GNAI1: variants seen among roughly 807,000 people sequenced by gnomAD.
The protein encoded by GNAI1 is guanine nucleotide-binding protein G(i) subunit alpha-1.
Under a neutral mutation model 38.9 loss-of-function variants are expected in GNAI1, and 11 were observed. The observed-to-expected ratio is 0.28, with a 90% CI of 0.18 to 0.47. GNAI1 has a LOEUF of 0.47. Among genes scored for constraint, GNAI1 ranks in the 20% least tolerant of loss-of-function variants. GNAI1 has a pLI of 0.99. For synonymous variants in GNAI1, 166 were observed against 145.1 expected (o/e 1.14, Z -1.04); for missense variants, 317 against 436.9 (o/e 0.73, Z 2.45).
At chr7:80,154,248 A>G (rs1472468336) in intron 1 of GNAI1, among the ~76,000 whole-genome samples, 1 of 152,190 alleles carries the variant, frequency 6.6e-6, no homozygotes, top group Non-Finnish European at 1.5e-5. Flanking sequence ...TAGAAAGGAA[A>G]TAAAAGGTGC....
intron 1 of GNAI1, among the ~76,000 whole-genome samples, chr7:80,145,123 C>T (rs1282277049): frequency 1.3e-5 from 2 of 152,162 alleles, no homozygotes; most frequent in African/African-American, 4.8e-5. Flanking sequence ...CAAGTCATGC[C>T]TAGCTTTAAA....
intron 5 of GNAI1, among the ~76,000 whole-genome samples, chr7:80,209,005 C>CT (rs1232159717): frequency 2.6e-5 from 4 of 152,194 alleles, no homozygotes; most frequent in African/African-American, 9.6e-5. Flanking sequence ...CATGTATTCT[C>CT]TAAGACAACA....
intron 1 of GNAI1, among the ~76,000 whole-genome samples, chr7:80,151,989 C>T (rs1584010287): frequency 6.6e-6 from 1 of 152,220 alleles, no homozygotes; most frequent in East Asian, 1.9e-4. Flanking sequence ...ATGAAGTTGA[C>T]ATGTTTATTT....
At chr7:80,179,953 G>T (rs1788260779) in intron 1 of GNAI1, among the ~76,000 whole-genome samples, 1 of 152,104 alleles carries the variant, frequency 6.6e-6, no homozygotes, top group African/African-American at 2.4e-5. Context: ...GCCGTAGAAG[G>T]AGACATTATC....
chr7:80,147,554 A>G (rs1787649653), intron 1 of GNAI1, among the ~76,000 whole-genome samples: 1 of 152,096 alleles, frequency 6.6e-6, no homozygotes, highest in African/African-American at 2.4e-5. Context: ...GTTTTCTGTT[A>G]CAGCAGGCTT....
rs931313808 is a variant in GNAI1 at position 80,203,743 on chromosome 7, C to T, written c.501C>T (p.Tyr167=). The change falls in exon 5 of 8, where the codon TAC becomes TAT. Residue 167 remains tyrosine (Y), a synonymous_variant. Transcript: ENST00000649796. The stretch of plus-strand genomic sequence containing the variant: ...TGGACAGAATAGCTCAACCAAATTA[C>T]ATCCCGACTCAACAAGATGTTCTCA... ...NDLDRIAQPN[Y]IPTQQDVLRT... is the part of the protein sequence containing the mutation. 7 of 1,592,780 alleles carry T rather than the reference C, an allele frequency of 4.4e-6. No individual in the cohort carries two copies. Among genetic ancestry groups the T allele is most frequent in the South Asian group, 2.2e-5 (2 of 89,754 alleles).
At chr7:80,180,627 A>G (rs574589397) in intron 1 of GNAI1, among the ~76,000 whole-genome samples, 1 of 152,232 alleles carries the variant, frequency 6.6e-6, no homozygotes, top group South Asian at 2.1e-4. Context: ...TACTTGGCAC[A>G]GGGGTAGTCA....
At chr7:80,185,375 TTTTG>T (rs1425532392) in intron 1 of GNAI1, among the ~76,000 whole-genome samples, 1 of 152,188 alleles carries the variant, frequency 6.6e-6, no homozygotes, top group Non-Finnish European at 1.5e-5. Flanking sequence ...ATCATGAGGC[TTTTG>T]TTTAAGAATT....
intron 1 of GNAI1, among the ~76,000 whole-genome samples, chr7:80,184,348 A>G (rs531486388): frequency 6.6e-6 from 1 of 152,176 alleles, no homozygotes; most frequent in African/African-American, 2.4e-5. Flanking sequence ...ATACATTGGT[A>G]CGTCCAGGGT....
intron 1 of GNAI1, among the ~76,000 whole-genome samples, chr7:80,182,331 A>G (rs553251052): frequency 1.3e-5 from 2 of 152,280 alleles, no homozygotes; most frequent in Non-Finnish European, 2.9e-5. Flanking sequence ...TACTGATTTC[A>G]TTTCCTTTGT....
chr7:80,140,382 C>G (rs186473225), intron 1 of GNAI1, among the ~76,000 whole-genome samples: 60 of 152,290 alleles, frequency 3.9e-4, no homozygotes, highest in African/African-American at 1.3e-3. Flanking sequence ...TTATTTAAAC[C>G]TGAAAAAGAC....
intron 1 of GNAI1, among the ~76,000 whole-genome samples, chr7:80,142,462 G>A (rs566343042): frequency 2.6e-5 from 4 of 151,966 alleles, no homozygotes; most frequent in East Asian, 3.9e-4. Flanking sequence ...GTCTTCCTTC[G>A]TCTCCCTTCC....
At chr7:80,144,408 C>T (rs1371749657) in intron 1 of GNAI1, among the ~76,000 whole-genome samples, 4 of 152,062 alleles carry the variant, frequency 2.6e-5, no homozygotes, top group African/African-American at 4.8e-5. Flanking sequence ...AGGATTATAA[C>T]GGATTTACTT....
At chr7:80,143,343 G>C (rs952095394) in intron 1 of GNAI1, among the ~76,000 whole-genome samples, 11 of 152,046 alleles carry the variant, frequency 7.2e-5, no homozygotes, top group Non-Finnish European at 1.5e-4. Flanking sequence ...GTTGATCTTG[G>C]GGGGTGGAGG....
chr7:80,212,104 C>T (rs1426333456), intron 6 of GNAI1, among the ~76,000 whole-genome samples: 1 of 151,934 alleles, frequency 6.6e-6, no homozygotes. Context: ...TACCGAGAGA[C>T]GATTGTATTT....
chr7:80,176,801 G>A (rs1584028875), intron 1 of GNAI1, among the ~76,000 whole-genome samples: 1 of 151,524 alleles, frequency 6.6e-6, no homozygotes. Flanking sequence ...AGCCAGGGGT[G>A]GTGACAGGGG....
chr7:80,188,599 TG>T (rs1192595632), intron 1 of GNAI1, among the ~76,000 whole-genome samples: 1 of 152,212 alleles, frequency 6.6e-6, no homozygotes. Flanking sequence ...TGTATCAAAA[TG>T]GTTACCATAT....
At chr7:80,191,420 C>G (rs1290850146) in intron 3 of GNAI1, among the ~76,000 whole-genome samples, 1 of 152,120 alleles carries the variant, frequency 6.6e-6, no homozygotes, top group Non-Finnish European at 1.5e-5. Flanking sequence ...TTGAGACAGT[C>G]TCGCTCTGTA....
At chr7:80,177,734 C>T (rs1788214371) in intron 1 of GNAI1, among the ~76,000 whole-genome samples, 1 of 152,170 alleles carries the variant, frequency 6.6e-6, no homozygotes, top group African/African-American at 2.4e-5. Flanking sequence ...CTGACTTGGC[C>T]TCCCAAGGGG....
Sources: allele counts gnomAD v4.1 joint callset (sites outside exome capture counted in the v4.1 genomes callset), GRCh38; gene constraint gnomAD v4.1.1; transcripts MANE v1.5; gene names NCBI Gene and HGNC (gene_info 2026-07-23, HGNC 2026-07-21).